Variants in KLF8 observed in about 807,000 individuals in gnomAD.
KLF8 encodes Krueppel-like factor 8.
A neutral mutation model predicts 18.2 loss-of-function variants in KLF8; 10 were observed. The observed-to-expected ratio is 0.55, with a 90% confidence interval of 0.34 to 0.93. KLF8 has a LOEUF of 0.93. KLF8 is among the 40% of genes least tolerant of loss of function. KLF8 has a pLI of 0.02. For synonymous variants in KLF8, 109 were observed against 97.3 expected (o/e 1.12, Z -0.71); for missense variants, 264 against 277.9 (o/e 0.95, Z 0.36).
At chrX:56,270,425 GC>G in intron 5 of KLF8, 104 bp downstream of exon 5, 1 of 896,091 alleles carries the variant, frequency 1.1e-6, no homozygotes, top group Non-Finnish European at 1.5e-6. Context: ...AGAGAGAGGG[GC>G]AGAGAGAGAG....
the KLF8 span, among the ~76,000 whole-genome samples, chrX:55,937,867 G>T: frequency 1.8e-5 from 2 of 111,878 alleles, no homozygotes; most frequent in African/African-American, 6.5e-5. Context: ...ACAAATATGG[G>T]ACTATGGGAA....
At chrX:55,944,966 T>G in the KLF8 span, among the ~76,000 whole-genome samples, 1 of 111,314 alleles carries the variant, frequency 9.0e-6, no homozygotes, top group Admixed American at 9.6e-5. Flanking sequence ...TTGTGGGCAT[T>G]TAGTGCTATA....
the KLF8 span, among the ~76,000 whole-genome samples, chrX:56,188,622 C>G: frequency 8.9e-6 from 1 of 111,890 alleles, no homozygotes; most frequent in Non-Finnish European, 1.9e-5. Context: ...TCAAACTATA[C>G]TACAATGCTA....
At chrX:55,931,070 G>T in the KLF8 span, among the ~76,000 whole-genome samples, 1 of 111,837 alleles carries the variant, frequency 8.9e-6, no homozygotes, top group Non-Finnish European at 1.9e-5. Flanking sequence ...AGAACTTGTT[G>T]TTGGTCCATT....
At chrX:56,065,705 G>T in the KLF8 span, among the ~76,000 whole-genome samples, 8 of 111,064 alleles carry the variant, frequency 7.2e-5, no homozygotes, top group Non-Finnish European at 1.1e-4. Flanking sequence ...ACAAAGATGG[G>T]TTTTTTTTAA....
At chrX:55,986,850 G>T in the KLF8 span, among the ~76,000 whole-genome samples, 2 of 111,428 alleles carry the variant, frequency 1.8e-5, no homozygotes, top group African/African-American at 6.5e-5. Flanking sequence ...TCTTCTCCCA[G>T]CCATCACTCT....
At chrX:56,282,727 A>AT (rs767452557) in intron 5 of KLF8, among the ~76,000 whole-genome samples, 1 of 112,099 alleles carries the variant, frequency 8.9e-6, no homozygotes, top group Non-Finnish European at 1.9e-5. Flanking sequence ...TTGTGTCTGC[A>AT]TTATTGTTTG....
the KLF8 span, among the ~76,000 whole-genome samples, chrX:56,161,706 T>C: frequency 6.3e-5 from 7 of 111,749 alleles, no homozygotes; most frequent in Admixed American, 1.9e-4. Flanking sequence ...CTTCACGCCA[T>C]GGGTTTGAAC....
At chrX:56,207,426 T>C in the KLF8 span, among the ~76,000 whole-genome samples, 2 of 112,379 alleles carry the variant, frequency 1.8e-5, no homozygotes, top group Non-Finnish European at 3.8e-5. Flanking sequence ...CTTAATGCTT[T>C]TAACAGTACT....
chrX:56,265,665 T>C lies in KLF8; in HGVS notation c.567T>C (p.Tyr189=), dbSNP rs773107489. 6.6e-6 allele frequency: 8 copies of C among 1,208,508 alleles called. No individual in the cohort carries two copies. The highest frequency in any genetic ancestry group is 2.3e-4 in the Middle Eastern group (1 of 4,374). The change falls in exon 3 of 6, where the codon TAT becomes TAC. Residue 189 remains tyrosine, a synonymous_variant. Coordinates refer to ENST00000468660, the MANE Select transcript of KLF8 (RefSeq NM_007250.5). The part of the protein sequence containing the change: ...PVVVQSLPMV[Y]TTLPADGGPA... ...TAGTGCAGTCTCTGCCCATGGTGTA[T>C]ACTACTTTGCCTGCAGATGGGGGCC...
the KLF8 span, among the ~76,000 whole-genome samples, chrX:56,207,953 G>T: frequency 3.6e-5 from 4 of 111,101 alleles, no homozygotes; most frequent in East Asian, 1.1e-3. Flanking sequence ...ATGGCAGAAG[G>T]TGAATGAGGA....
At chrX:56,168,019 A>T in the KLF8 span, among the ~76,000 whole-genome samples, 11 of 111,879 alleles carry the variant, frequency 9.8e-5, no homozygotes, top group Non-Finnish European at 2.1e-4. Flanking sequence ...ACCAGTGGAG[A>T]TTTTTATCAA....
chrX:55,942,808 G>C, the KLF8 span, among the ~76,000 whole-genome samples: 2 of 112,307 alleles, frequency 1.8e-5, no homozygotes, highest in South Asian at 7.4e-4. Flanking sequence ...TTGAAGGCAA[G>C]TTCAGACTGT....
the KLF8 span, among the ~76,000 whole-genome samples, chrX:56,204,902 G>A: frequency 8.1e-5 from 9 of 110,536 alleles, no homozygotes; most frequent in African/African-American, 2.3e-4. Context: ...GGGGTGGGGG[G>A]AGAGTATGTG....
At chrX:56,080,233 C>A in the KLF8 span, among the ~76,000 whole-genome samples, 3 of 110,514 alleles carry the variant, frequency 2.7e-5, no homozygotes, top group Admixed American at 9.6e-5. Flanking sequence ...GATGCAGTTT[C>A]TTCCTAGTCT....
At chrX:56,197,183 C>T in the KLF8 span, among the ~76,000 whole-genome samples, 4 of 107,788 alleles carry the variant, frequency 3.7e-5, no homozygotes, top group Admixed American at 2.0e-4. Context: ...CAGTTAACCA[C>T]AGAAGCAACA....
At chrX:56,121,626 T>C in the KLF8 span, among the ~76,000 whole-genome samples, 1 of 112,234 alleles carries the variant, frequency 8.9e-6, no homozygotes, top group Non-Finnish European at 1.9e-5. Flanking sequence ...CCCAGTAGGA[T>C]GATTCTTGGA....
Position 56,288,103 on chromosome X carries a change from G to A in KLF8, c.*3609G>A, listed in dbSNP as rs369554732. 2.0e-5 allele frequency among the ~76,000 whole-genome samples: 2 copies of A among 100,210 alleles called. No individual in the cohort carries two copies. Among genetic ancestry groups the A allele is most frequent in the East Asian group, 5.7e-4 (2 of 3,529 alleles). 87.0% of individuals were successfully genotyped at this position (100,210 alleles called of 115,157 possible). Reference sequence around the variant, plus strand: ...ATACAAAAAATTAGCCAGGCGTAGTGGTGGGTGCCTGTAATCCCAGCAATA... The same window carrying A: ...ATACAAAAAATTAGCCAGGCGTAGTAGTGGGTGCCTGTAATCCCAGCAATA... On this transcript the variant is annotated 3_prime_UTR_variant, in exon 6 of 6. Coordinates refer to ENST00000468660, the MANE Select transcript of KLF8 (RefSeq NM_007250.5).
chrX:56,176,003 G>C, the KLF8 span, among the ~76,000 whole-genome samples: 1 of 111,734 alleles, frequency 8.9e-6, no homozygotes, highest in Non-Finnish European at 1.9e-5. Flanking sequence ...CTGCATGTGA[G>C]ATGTGTCTCC....
Sources: allele counts gnomAD v4.1 joint callset (sites outside exome capture counted in the v4.1 genomes callset), GRCh38; gene constraint gnomAD v4.1.1; transcripts MANE v1.5; gene names NCBI Gene and HGNC (gene_info 2026-07-23, HGNC 2026-07-21).